The following AATK variants were observed in gnomAD, a reference collection of about 807,000 sequenced individuals.
AATK encodes serine/threonine-protein kinase LMTK1.
Under a neutral mutation model 114.3 loss-of-function variants are expected in AATK, and 91 were observed. The ratio of observed to expected loss-of-function variants is 0.80; its 90% confidence interval spans 0.67 to 0.95. The LOEUF (loss-of-function observed/expected upper bound fraction) is 0.95, where lower values mean the gene tolerates loss of function less well. Ranked by LOEUF, AATK falls within the 40% of genes least tolerant of loss-of-function variation. The pLI, the probability that AATK is intolerant of heterozygous loss-of-function variation, is 0.00. For synonymous variants in AATK, 1,075 were observed against 916.5 expected, an observed-to-expected ratio of 1.17 and a Z score of -3.12; for missense variants, 2,176 against 1,965.2, an observed-to-expected ratio of 1.11 and a Z score of -2.03.
chr17:81,126,405 G>A lies in AATK; in HGVS notation c.755+22C>T, dbSNP rs760564891. On this transcript the variant is annotated intron_variant, in intron 7 of 13. Coordinates refer to ENST00000326724, the MANE Select transcript of AATK (RefSeq NM_001080395.3). This position sits in a 1 kb window ranked among gnomAD's most constrained non-coding sequence, Gnocchi z 5.1. ...GGGCCTGGCCTAGGGCTTCCCGGCC[G>A]CTGGCCCGCGCCCGCCCTCACCTGT... The A allele has an allele frequency of 5.0e-5, 77 of 1,547,354 alleles. No individual in the cohort carries two copies. Among genetic ancestry groups the A allele is most frequent in the Middle Eastern group, 1.9e-4 (1 of 5,142 alleles).
At position 81,133,433 on chromosome 17, in the gene AATK, C is replaced by T. The variant is rs1468331370; in HGVS notation, c.189+935G>A. On this transcript the variant is annotated intron_variant, in intron 2 of 13. Coordinates refer to ENST00000326724, the MANE Select transcript of AATK (RefSeq NM_001080395.3). ...TCATGGGTCACTTAGTAGGAAGGCA[C>T]CCTGAGATACAGACAGGGTGCTGTG... The T allele has an allele frequency of 3.4e-5, 11 of 324,680 alleles. No individual in the cohort carries two copies. The Admixed American group carries it at 4.3e-4, about 13-fold the overall frequency. The allele number at this position is 324,680 out of a possible 1,614,324, so 20.1% of individuals were successfully genotyped here. A position where few individuals can be genotyped will look rare whatever the true frequency, so the allele number is the denominator to read the frequency against.
intron 1 of AATK, among the ~76,000 whole-genome samples, chr17:81,164,401 C>A (rs1365629203): frequency 6.6e-6 from 1 of 152,200 alleles, no homozygotes; most frequent in Non-Finnish European, 1.5e-5. Context: ...GGTAGGTGGG[C>A]CCCAGAGCCC....
chr17:81,142,943 G>A (rs1438350691), intron 1 of AATK, among the ~76,000 whole-genome samples: 1 of 152,248 alleles, frequency 6.6e-6, no homozygotes, highest in African/African-American at 2.4e-5. Flanking sequence ...GGAGGCTCCT[G>A]GGACTCTGGG....
intron 1 of AATK, among the ~76,000 whole-genome samples, chr17:81,164,137 G>C (rs555378764): frequency 1.3e-5 from 2 of 152,220 alleles, no homozygotes; most frequent in African/African-American, 4.8e-5. Context: ...GAGCCCACCC[G>C]GGCCTGCCAC....
rs35731140 is a variant in AATK, at chr17:81,148,064, CAAAAAA to C, written c.56-13569_56-13564del. Among the ~76,000 whole-genome samples the C allele has an allele frequency of 9.2e-4, 94 of 101,824 alleles. No homozygotes were observed. In the South Asian group the frequency reaches 0.012, roughly 13 times the overall value. The allele number at this position is 101,824 out of a possible 152,430, so 66.8% of individuals were successfully genotyped here. Reference sequence around the variant, plus strand: ...TTACAAATCCTGATCACAACTTTGTCAAAAAAAAAAAAAAAAAAAAAAAAAGAACAG... The same window carrying C: ...TTACAAATCCTGATCACAACTTTGTCAAAAAAAAAAAAAAAAAAAGAACAG... On this transcript the variant is annotated intron_variant, in intron 1 of 13. Transcript: ENST00000326724.
chr17:81,134,141 C>T (rs1049976862), intron 2 of AATK, among the ~76,000 whole-genome samples: 3 of 152,178 alleles, frequency 2.0e-5, no homozygotes, highest in African/African-American at 4.8e-5. Context: ...CAGACCACGC[C>T]CCCCACAGAG....
At chr17:81,151,292 C>G (rs1449735206) in intron 1 of AATK, among the ~76,000 whole-genome samples, 6 of 148,030 alleles carry the variant, frequency 4.1e-5, no homozygotes, top group Non-Finnish European at 9.0e-5. Context: ...ACCTGTCTCC[C>G]CCACCGACCC....
Position 81,120,077 on chromosome 17 carries a change from G to A in AATK, c.3742C>T (p.Pro1248Ser). 1.4e-6 allele frequency: 2 copies of A among 1,461,078 alleles called. No homozygotes were observed. The highest frequency in any genetic ancestry group is 1.8e-6 in the Non-Finnish European group (2 of 1,104,170). The allele number at this position is 1,461,078 out of a possible 1,614,324, so 90.5% of individuals were successfully genotyped here. A position where few individuals can be genotyped will look rare whatever the true frequency, so the allele number is the denominator to read the frequency against. The change falls in exon 12 of 14, where the codon CCC (proline) becomes TCC (serine). Residue 1248 changes from proline (P) to serine (S), a missense_variant. Coordinates refer to ENST00000326724, the MANE Select transcript of AATK (RefSeq NM_001080395.3). ...VTVYLFDQES[P>S]TRELGEPFPG... ...AAGGGCTCCCCGAGCTCCCGGGTGG[G>A]GCTTTCCTGGAGGAATCAGAGAGCA...
At chr17:81,164,746 G>A (rs1358829004) in intron 1 of AATK, among the ~76,000 whole-genome samples, 5 of 152,196 alleles carry the variant, frequency 3.3e-5, no homozygotes, top group Non-Finnish European at 7.3e-5. Flanking sequence ...GGGCCGGGGA[G>A]ACATTACAGC....
rs756473019 is a variant in AATK, at chr17:81,122,113, C to T, written c.1823G>A (p.Arg608His). The T allele has an allele frequency of 2.0e-5, 31 of 1,559,908 alleles. No individual in the cohort carries two copies. The African/African-American group carries it at 3.8e-4, about 19-fold the overall frequency. The change falls in exon 11 of 14, where the codon CGC (arginine) becomes CAC (histidine). Residue 608 changes from arginine to histidine, a missense_variant. Arg to His is a conservative substitution (Grantham distance 29). Coordinates refer to ENST00000326724, the MANE Select transcript of AATK (RefSeq NM_001080395.3). ...GGGCCCCGCCGAGGGCGAGGGAGAG[C>T]GTGAGGGGCAGAGCGGGTCCCGCGC... ...SLARDPLCPS[R>H]SPSPSAGPLS... is the part of the protein sequence containing the mutation.
chr17:81,160,711 C>T (rs1033509087), intron 1 of AATK, among the ~76,000 whole-genome samples: 11 of 152,242 alleles, frequency 7.2e-5, no homozygotes, highest in Admixed American at 2.0e-4. Context: ...ATCAGGCTCC[C>T]ACCCAGGAGT....
chr17:81,165,866 G>A (rs1295099009), intron 1 of AATK, 72 bp downstream of exon 1: 14 of 1,535,662 alleles, frequency 9.1e-6, no homozygotes, highest in African/African-American at 4.1e-5. Flanking sequence ...ACCGGGAGCC[G>A]TGGGGCCCAG....
Position 81,117,429 on chromosome 17 carries a change from CAAT to C in AATK, c.*970_*972del, listed in dbSNP as rs1171970800. 6.6e-6 allele frequency: 1 copy of C among 152,314 alleles called. No individual in the cohort carries two copies. The highest frequency in any genetic ancestry group is 1.5e-5 in the Non-Finnish European group (1 of 68,054). The allele number at this position is 152,314 out of a possible 1,614,324, so 9.4% of individuals were successfully genotyped here. ...AATAAACTTTACATCTCTTTGGCAA[CAAT>C]AACTTAAAATCACCCAACTTCCATT... On this transcript the variant is annotated 3_prime_UTR_variant, in exon 14 of 14. Coordinates refer to ENST00000326724, the MANE Select transcript of AATK (RefSeq NM_001080395.3).
intron 1 of AATK, among the ~76,000 whole-genome samples, chr17:81,158,400 T>C (rs530286424): frequency 6.6e-6 from 1 of 152,320 alleles, no homozygotes; most frequent in African/African-American, 2.4e-5. Flanking sequence ...TGCTGGTCAG[T>C]GTCTGCACCC....
chr17:81,140,871 C>T (rs1326484045), intron 1 of AATK, among the ~76,000 whole-genome samples: 3 of 126,570 alleles, frequency 2.4e-5, no homozygotes, highest in Admixed American at 8.1e-5. Context: ...GGCCGTGAGC[C>T]GTGGGGCCGT....
Position 81,122,481 on chromosome 17 carries a change from G to A in AATK, c.1455C>T (p.Arg485=), listed in dbSNP as rs1455287113. 3.4e-6 allele frequency: 5 copies of A among 1,455,866 alleles called. No homozygotes were observed. Among genetic ancestry groups the A allele is most frequent in the Admixed American group, 2.3e-5 (1 of 44,002 alleles). The allele number at this position is 1,455,866 out of a possible 1,614,324, so 90.2% of individuals were successfully genotyped here. A position where few individuals can be genotyped will look rare whatever the true frequency, so the allele number is the denominator to read the frequency against. ...GCGTGGCCGGGAAGGCCTCCGCGCC[G>A]CGGCCCGCCTCCCACTTGTACTCAA... ...LNFEYKWEAG[R]GAEAFPATLS... is the part of the protein sequence containing the mutation. The change falls in exon 11 of 14, where the codon CGC becomes CGT. Residue 485 remains arginine, a synonymous_variant. Transcript: ENST00000326724.
intron 2 of AATK, among the ~76,000 whole-genome samples, chr17:81,132,466 C>G (rs1242760305): frequency 6.6e-6 from 1 of 152,234 alleles, no homozygotes; most frequent in African/African-American, 2.4e-5. Flanking sequence ...CACAGCCACT[C>G]AGGGATGGGG....
At chr17:81,127,023 C>G (rs933080765) in intron 6 of AATK, among the ~76,000 whole-genome samples, 1 of 147,868 alleles carries the variant, frequency 6.8e-6, no homozygotes, top group Non-Finnish European at 1.5e-5. Context: ...ACAGCCTCGG[C>G]TCAGTGCAGG....
At position 81,127,652 on chromosome 17, in the gene AATK, G is replaced by A. The variant is rs1323549865; in HGVS notation, c.552C>T (p.Asn184=). 2 of 1,593,322 alleles carry A rather than the reference G, an allele frequency of 1.3e-6. No homozygotes were observed. Among genetic ancestry groups the A allele is most frequent in the South Asian group, 1.1e-5 (1 of 87,526 alleles). Residue 184 remains asparagine (N), a synonymous_variant, in exon 6 of 14, where the codon AAC becomes AAT. Transcript: ENST00000326724. The part of the protein sequence containing the change: ...VQPYRALKHS[N]LLQCLAQCAE... ...CGCACTGGGCCAGGCACTGGAGCAG[G>A]TTGCTGTGCTTCAGGGCCCTGCGGG...
Sources: gnomAD v4.1 joint callset for allele counts (sites outside exome capture counted in the v4.1 genomes callset) on GRCh38, gnomAD v4.1.1 for gene constraint, Gnocchi (gnomAD v3.1) non-coding constraint, MANE v1.5 for transcripts, NCBI Gene and HGNC (gene_info 2026-07-23, HGNC 2026-07-21) for gene names.